The following TRIM54 variants were observed in gnomAD, a reference collection of about 807,000 sequenced individuals.
TRIM54 encodes tripartite motif containing 54, also known as tripartite motif-containing protein 54.
A neutral mutation model predicts 42.0 loss-of-function variants in TRIM54; 40 were observed. The observed-to-expected ratio is 0.95, with a 90% CI of 0.74 to 1.24. TRIM54 has a LOEUF of 1.24. TRIM54 is among the 50% of genes most tolerant of loss of function. The probability of loss-of-function intolerance (pLI) is 0.00; values close to 1 mark genes in which losing one functional copy is unlikely to be tolerated. For synonymous variants in TRIM54, 199 were observed against 194.9 expected, an observed-to-expected ratio of 1.02 and a Z score of -0.17; for missense variants, 485 against 480.3, an observed-to-expected ratio of 1.01 and a Z score of -0.09.
rs1438020287 is a variant in TRIM54, at chr2:27,282,838, C to T, written c.107C>T (p.Pro36Leu). 2 of 1,614,066 alleles carry T rather than the reference C, an allele frequency of 1.2e-6. No homozygotes were observed. Among genetic ancestry groups the T allele is most frequent in the Admixed American group, 1.7e-5 (1 of 60,008 alleles). Residue 36 changes from proline to leucine, a missense_variant, in exon 1 of 9, where the codon CCA becomes CTA. Pro to Leu is a moderately conservative substitution (Grantham distance 98). Transcript: ENST00000380075. ...CPICLEMFSK[P>L]VVILPCQHNL... is the part of the protein sequence containing the mutation. ...ATCTGCCTGGAGATGTTCTCCAAAC[C>T]AGTGGTGATCCTGCCCTGCCAACAC...
At chr2:27,303,122 C>T (rs1234589268) in intron 3 of TRIM54, among the ~76,000 whole-genome samples, 4 of 152,016 alleles carry the variant, frequency 2.6e-5, no homozygotes, top group South Asian at 2.1e-4. Context: ...AGAGAAAAGG[C>T]GGAGCTGAAA....
At chr2:27,305,456 C>G in intron 4 of TRIM54, 128 bp from the exon 5 acceptor site, 1 of 723,598 alleles carries the variant, frequency 1.4e-6, no homozygotes, top group Non-Finnish European at 2.3e-6. Context: ...GGTTCTGGCT[C>G]AGCCACTAAC....
chr2:27,295,641 C>T lies in TRIM54; in HGVS notation c.169-2926C>T, dbSNP rs578003427. On this transcript the variant is annotated intron_variant, in intron 1 of 8. Coordinates refer to ENST00000380075, the MANE Select transcript of TRIM54 (RefSeq NM_187841.3). ...TGTTGAATGTTAAGTAATGAGTATC[C>T]CTGCCTTTGTGGCTCAGGAAGAGGA... is the stretch of plus-strand genomic sequence containing the variant. 3.1e-4 allele frequency among the ~76,000 whole-genome samples: 47 copies of T among 152,234 alleles called. 1 individual carries two copies. The South Asian group carries it at 9.8e-3, about 32-fold the overall frequency.
At chr2:27,299,713 T>TATCA (rs1277154135) in intron 3 of TRIM54, 53 of 615,094 alleles carry the variant, frequency 8.6e-5, no homozygotes, top group South Asian at 7.9e-5. Context: ...TCTATCTATC[T>TATCA]ATCATATTTT....
chr2:27,303,205 TAG>T (rs1484041663), intron 3 of TRIM54, among the ~76,000 whole-genome samples: 2 of 152,072 alleles, frequency 1.3e-5, no homozygotes, highest in African/African-American at 4.8e-5. Context: ...GTCACTGAGC[TAG>T]AGAGACCAGA....
rs1472440012 is a variant in TRIM54 at position 27,293,901 on chromosome 2, T to C, written c.169-4666T>C. ...AGCCGGGCATGGTGGCACGTGCCTG[T>C]ACTCCCAGCTACTCAGGAGGCTGAG... On this transcript the variant is annotated intron_variant, in intron 1 of 8. Transcript: ENST00000380075. Among the ~76,000 whole-genome samples, 5 of 151,908 alleles carry C rather than the reference T, an allele frequency of 3.3e-5. No homozygotes were observed. The East Asian group carries it at 9.8e-4, about 30-fold the overall frequency.
In TRIM54 at chr2:27,282,601, G is replaced by A; in HGVS notation, c.-131G>A. On this transcript the variant is annotated 5_prime_UTR_variant, in exon 1 of 9. Transcript: ENST00000380075. ...GACGAGACAAGTTGTTAAAGGGACAGGAGAGAAAGCAGAGCTATTTCAAGA... is the reference window on the plus strand; with the variant it reads ...GACGAGACAAGTTGTTAAAGGGACAAGAGAGAAAGCAGAGCTATTTCAAGA... The A allele has an allele frequency of 1.0e-6, 1 of 999,786 alleles. No homozygotes were observed. The highest frequency in any genetic ancestry group is 1.6e-5 in the African/African-American group (1 of 61,058). 61.9% of individuals were successfully genotyped at this position (999,786 alleles called of 1,614,324 possible). A position where few individuals can be genotyped will look rare whatever the true frequency, so the allele number is the denominator to read the frequency against.
Position 27,305,056 on chromosome 2 carries a change from TGAGCCTGGGCTG to T in TRIM54, c.609+6_609+17del. On this transcript the variant is annotated splice_donor_5th_base_variant and intron_variant, in intron 4 of 8. Coordinates refer to ENST00000380075, the MANE Select transcript of TRIM54 (RefSeq NM_187841.3). ...GAGGAGGTGTGCCAGACTATCGAGG[TGAGCCTGGGCTG>T]GAGGGAGGGAGGAACAGCAACTGGC... 6.2e-7 allele frequency: 1 copy of T among 1,613,108 alleles called. No homozygotes were observed. Among genetic ancestry groups the T allele is most frequent in the Non-Finnish European group, 8.5e-7 (1 of 1,179,472 alleles).
intron 1 of TRIM54, among the ~76,000 whole-genome samples, chr2:27,288,058 T>C (rs907211150): frequency 2.0e-5 from 3 of 152,238 alleles, no homozygotes; most frequent in African/African-American, 7.2e-5. Flanking sequence ...GCCCTCTGTT[T>C]ACAGTCCCTC....
intron 5 of TRIM54, 72 bp downstream of exon 5, chr2:27,305,889 T>G (rs1367872974): frequency 7.0e-7 from 1 of 1,423,672 alleles, no homozygotes; most frequent in Admixed American, 2.0e-5. Context: ...GAGTCCCGGG[T>G]TCAAGTCTTG....
chr2:27,293,787 C>T (rs1209260048), intron 1 of TRIM54, among the ~76,000 whole-genome samples: 3 of 152,012 alleles, frequency 2.0e-5, no homozygotes, highest in African/African-American at 4.8e-5. Context: ...TTTGGGAGGC[C>T]GAGGTGGGTG....
At position 27,306,264 on chromosome 2, in the gene TRIM54, TGA is replaced by T; in HGVS notation, c.922_923del (p.Ser308HisfsTer146). On this transcript the variant is annotated frameshift_variant, in exon 7 of 9. Transcript: ENST00000380075. LOFTEE classifies it high-confidence loss of function. This position sits in a 1 kb window ranked among gnomAD's most constrained non-coding sequence, Gnocchi z 6.1. The stretch of plus-strand genomic sequence containing the variant: ...TGGCAGGGCGGCCGGAGCCAGGCTA[TGA>T]GAGCATGGAGCAATTCACCGTAAGG... Reference protein sequence around the residue: ...ELAGRPEPGYESMEQFTVRVE... With the variant: ...ELAGRPEPGYXSMEQFTVRVE... 1 of 1,613,916 alleles carries T rather than the reference TGA, an allele frequency of 6.2e-7. No individual in the cohort carries two copies. Among genetic ancestry groups the T allele is most frequent in the African/African-American group, 1.3e-5 (1 of 74,946 alleles).
intron 1 of TRIM54, among the ~76,000 whole-genome samples, chr2:27,298,342 G>A (rs1454151307): frequency 6.6e-6 from 1 of 152,136 alleles, no homozygotes; most frequent in Admixed American, 6.6e-5. Flanking sequence ...GGATGCAGGG[G>A]CACTCTAGGA....
At position 27,304,946 on chromosome 2, in the gene TRIM54, G is replaced by C; in HGVS notation, c.514-13G>C. On this transcript the variant is annotated splice_polypyrimidine_tract_variant and intron_variant, in intron 3 of 8. Transcript: ENST00000380075. ...AGGTCCCAGCTCTGAGTGCTGACCTGTGTGTGTATCAGAGTGAGCTCAGCG... is the reference window on the plus strand; with the variant it reads ...AGGTCCCAGCTCTGAGTGCTGACCTCTGTGTGTATCAGAGTGAGCTCAGCG... 1 of 1,612,818 alleles carries C rather than the reference G, an allele frequency of 6.2e-7. No individual in the cohort carries two copies. Among genetic ancestry groups the C allele is most frequent in the Non-Finnish European group, 8.5e-7 (1 of 1,179,120 alleles).
intron 1 of TRIM54, among the ~76,000 whole-genome samples, chr2:27,285,747 G>C (rs952212173): frequency 1.4e-4 from 21 of 152,146 alleles, no homozygotes; most frequent in African/African-American, 5.1e-4. Flanking sequence ...TAGCTGTGTA[G>C]TTTTCATTGT....
chr2:27,296,228 C>T (rs1473239645), intron 1 of TRIM54, among the ~76,000 whole-genome samples: 2 of 152,188 alleles, frequency 1.3e-5, no homozygotes, highest in East Asian at 1.9e-4. Flanking sequence ...GCTGCACACA[C>T]GCAAGGGGCC....
intron 2 of TRIM54, 113 bp from the exon 3 acceptor site, chr2:27,299,132 A>C: frequency 8.1e-7 from 1 of 1,239,340 alleles, no homozygotes; most frequent in Non-Finnish European, 1.1e-6. Flanking sequence ...GTTCAGCCAC[A>C]GCACTAGCTG....
At chr2:27,287,375 T>C (rs1343920815) in intron 1 of TRIM54, among the ~76,000 whole-genome samples, 1 of 152,030 alleles carries the variant, frequency 6.6e-6, no homozygotes, top group East Asian at 1.9e-4. Flanking sequence ...GCTAATTTTT[T>C]TGTAATTTTT....
At position 27,305,013 on chromosome 2, in the gene TRIM54, G is replaced by A; in HGVS notation, c.568G>A (p.Ala190Thr). 1 of 1,614,130 alleles carries A rather than the reference G, an allele frequency of 6.2e-7. No homozygotes were observed. The highest frequency in any genetic ancestry group is 8.5e-7 in the Non-Finnish European group (1 of 1,179,998). ...MLVAGNDRVQAVITQMEEVCQ... is the reference protein window; with the variant it reads ...MLVAGNDRVQTVITQMEEVCQ... ...GGTGGCAGGCAATGACCGCGTGCAAGCAGTGATCACACAGATGGAGGAGGT... is the reference window on the plus strand; with the variant it reads ...GGTGGCAGGCAATGACCGCGTGCAAACAGTGATCACACAGATGGAGGAGGT... Residue 190 changes from alanine to threonine, a missense_variant, in exon 4 of 9, where the codon GCA (alanine) becomes ACA (threonine). Physicochemically the swap from Ala to Thr is moderately conservative, Grantham distance 58 (BLOSUM62 0). Coordinates refer to ENST00000380075, the MANE Select transcript of TRIM54 (RefSeq NM_187841.3).
Sources: gnomAD v4.1 joint callset for allele counts (sites outside exome capture counted in the v4.1 genomes callset) on GRCh38, gnomAD v4.1.1 for gene constraint, Gnocchi (gnomAD v3.1) non-coding constraint, MANE v1.5 for transcripts, NCBI Gene and HGNC (gene_info 2026-07-23, HGNC 2026-07-21) for gene names.